The following LINC00632 variants were observed in gnomAD, a reference collection of about 807,000 sequenced individuals.
LINC00632 encodes long independently transcribed non-coding RNA 632.
intron 2 of LINC00632, among the ~76,000 whole-genome samples, chrX:140,728,085 A>G (rs1261377713): frequency 9.0e-6 from 1 of 110,531 alleles, no homozygotes; most frequent in Admixed American, 9.6e-5. Context: ...TACTAAAAAT[A>G]CAAAATTAAC....
intron 3 of LINC00632, among the ~76,000 whole-genome samples, chrX:140,765,177 G>A (rs891300878): frequency 4.5e-5 from 5 of 111,875 alleles, no homozygotes; most frequent in African/African-American, 1.6e-4. Context: ...ACTCTGAAGT[G>A]ATTCCCTCCT....
At chrX:140,764,880 C>T (rs1376432357) in intron 3 of LINC00632, among the ~76,000 whole-genome samples, 1 of 111,017 alleles carries the variant, frequency 9.0e-6, no homozygotes, top group East Asian at 2.9e-4. Context: ...CTCCTCCGGG[C>T]TATCTTTTAC....
chrX:140,783,418 C>A, exon 5 of LINC00632: 1 of 558,257 alleles, frequency 1.8e-6, no homozygotes, highest in Admixed American at 3.9e-5. Flanking sequence ...AAATCCAGAT[C>A]TTCCAGGAAA....
chrX:140,766,920 C>G (rs1931701218), intron 3 of LINC00632, among the ~76,000 whole-genome samples: 1 of 81,345 alleles, frequency 1.2e-5, no homozygotes, highest in Non-Finnish European at 2.8e-5. Context: ...GAAACTTAGA[C>G]TCACATTTTG....
chrX:140,732,388 A>C (rs1569350396), intron 2 of LINC00632, among the ~76,000 whole-genome samples: 1 of 111,693 alleles, frequency 9.0e-6, no homozygotes, highest in Non-Finnish European at 1.9e-5. Context: ...AGACATACAC[A>C]TATATCTATA....
chrX:140,740,512 G>T (rs766031059), intron 3 of LINC00632, among the ~76,000 whole-genome samples: 16 of 110,757 alleles, frequency 1.4e-4, no homozygotes, highest in Non-Finnish European at 2.6e-4. Flanking sequence ...TACTCTTGAT[G>T]ATATGAGATT....
intron 3 of LINC00632, among the ~76,000 whole-genome samples, chrX:140,742,877 G>GAAAGGAAGGAAGGAAGGA (rs61610211): frequency 2.4e-4 from 23 of 94,436 alleles, no homozygotes; most frequent in African/African-American, 9.4e-4. Flanking sequence ...GAGAGAGAGA[G>GAAAGGAAGGAAGGAAGGA]AGGAAGGAAG....
exon 5 of LINC00632, among the ~76,000 whole-genome samples, chrX:140,779,820 T>C (rs1931911711): frequency 8.9e-6 from 1 of 111,952 alleles, no homozygotes; most frequent in Non-Finnish European, 1.9e-5. Context: ...TTGGCAGTGG[T>C]ATGGTGAGTG....
chrX:140,777,258 G>A (rs1451151853), exon 5 of LINC00632, among the ~76,000 whole-genome samples: 1 of 112,088 alleles, frequency 8.9e-6, no homozygotes, highest in Non-Finnish European at 1.9e-5. Context: ...GTATACCTAT[G>A]TAACAAACCT....
chrX:140,729,188 G>A (rs754289518), intron 2 of LINC00632, among the ~76,000 whole-genome samples: 4 of 110,385 alleles, frequency 3.6e-5, no homozygotes, highest in African/African-American at 6.6e-5. Context: ...CACAACCTTC[G>A]CCTGCACCCC....
intron 2 of LINC00632, among the ~76,000 whole-genome samples, chrX:140,733,080 C>T (rs1319379172): frequency 2.7e-5 from 3 of 112,311 alleles, no homozygotes; most frequent in Non-Finnish European, 3.8e-5. Context: ...TGACTTTTAA[C>T]GTGTCCTTGT....
At chrX:140,721,683 A>G (rs1419985568) in intron 2 of LINC00632, among the ~76,000 whole-genome samples, 1 of 110,912 alleles carries the variant, frequency 9.0e-6, no homozygotes, top group Non-Finnish European at 1.9e-5. Flanking sequence ...CTTACACCAC[A>G]TGGCGTGCTC....
chrX:140,771,096 C>T (rs760067706), intron 3 of LINC00632, among the ~76,000 whole-genome samples: 1 of 110,942 alleles, frequency 9.0e-6, no homozygotes, highest in African/African-American at 3.3e-5. Context: ...ATTCCAACAC[C>T]ATTTTTTGAG....
intron 3 of LINC00632, among the ~76,000 whole-genome samples, chrX:140,741,470 G>GT (rs1210448868): frequency 8.9e-6 from 1 of 112,206 alleles, no homozygotes; most frequent in Admixed American, 9.5e-5. Context: ...GGGTTAGAGG[G>GT]TTTGGAAGAG....
At chrX:140,772,133 A>G in exon 4 of LINC00632, 1 of 295,269 alleles carries the variant, frequency 3.4e-6, no homozygotes, top group Non-Finnish European at 5.9e-6. Context: ...GAGTTCCACG[A>G]TCGCTTCACA....
chrX:140,775,720 A>G (rs1931862631), exon 5 of LINC00632, among the ~76,000 whole-genome samples: 1 of 111,103 alleles, frequency 9.0e-6, no homozygotes, highest in Admixed American at 9.6e-5. Context: ...CATAAAGACA[A>G]CCTGGAATGA....
At chrX:140,728,541 A>G (rs1931004796) in intron 2 of LINC00632, among the ~76,000 whole-genome samples, 1 of 110,582 alleles carries the variant, frequency 9.0e-6, no homozygotes, top group South Asian at 3.9e-4. Context: ...GCTCCTCACC[A>G]GGCATGCCTT....
intron 3 of LINC00632, among the ~76,000 whole-genome samples, chrX:140,770,756 CTATT>C (rs748336631): frequency 3.6e-5 from 4 of 111,777 alleles, no homozygotes; most frequent in East Asian, 5.6e-4. Context: ...CTATGAGTGA[CTATT>C]TATTTATTAA....
At chrX:140,740,845 G>A (rs1374697264) in intron 3 of LINC00632, among the ~76,000 whole-genome samples, 1 of 112,027 alleles carries the variant, frequency 8.9e-6, no homozygotes, top group African/African-American at 3.2e-5. Flanking sequence ...GGAGATACTT[G>A]CCAGTGAACA....
Sources: allele counts gnomAD v4.1 joint callset (sites outside exome capture counted in the v4.1 genomes callset), GRCh38; gene constraint gnomAD v4.1.1; transcripts MANE v1.5; gene names NCBI Gene and HGNC (gene_info 2026-07-23, HGNC 2026-07-21).